MLXIPL: variants seen among roughly 807,000 people sequenced by gnomAD.
The protein encoded by MLXIPL is MLX interacting protein like.
MLXIPL carries 49 observed loss-of-function variants against 81.5 expected under a neutral mutation model. The ratio of observed to expected loss-of-function variants is 0.60; its 90% CI spans 0.48 to 0.76. MLXIPL has a LOEUF of 0.76. MLXIPL is among the 30% of genes least tolerant of loss of function. MLXIPL has a pLI of 0.00. For missense variants in MLXIPL, 1,053 were observed against 1,167.0 expected, an observed-to-expected ratio of 0.90 and a Z score of 1.42; for synonymous variants, 466 against 485.5, an observed-to-expected ratio of 0.96 and a Z score of 0.53.
At chr7:73,601,935 C>A (rs577622074) in intron 7 of MLXIPL, among the ~76,000 whole-genome samples, 1 of 152,212 alleles carries the variant, frequency 6.6e-6, no homozygotes, top group East Asian at 1.9e-4. Flanking sequence ...CAGCCTCTGC[C>A]TACCCTCTGG....
At chr7:73,627,227 G>A (rs1796768392), upstream of MLXIPL, among the ~76,000 whole-genome samples, 1 of 151,072 alleles carries the variant, frequency 6.6e-6, no homozygotes, top group Non-Finnish European at 1.5e-5. Flanking sequence ...CCCTGCTTCA[G>A]AGAGCCATCC....
chr7:73,599,418 G>A, intron 8 of MLXIPL, 108 bp downstream of exon 8: 1 of 1,377,994 alleles, frequency 7.3e-7, no homozygotes. Context: ...CAATCTCCAA[G>A]CAGAAGACTG....
Position 73,595,985 on chromosome 7 carries a change from G to A in MLXIPL, c.2059-16C>T, listed in dbSNP as rs782304984. 2 of 1,611,724 alleles carry A rather than the reference G, an allele frequency of 1.2e-6. No homozygotes were observed. Among genetic ancestry groups the A allele is most frequent in the South Asian group, 1.1e-5 (1 of 90,960 alleles). ...CTTTGCTCACCTGCAGACGCCACCA[G>A]GGGGGCTCAGGCAGGTGCTAGAGGC... On this transcript the variant is annotated splice_polypyrimidine_tract_variant and intron_variant, in intron 13 of 16. Coordinates refer to ENST00000313375, the MANE Select transcript of MLXIPL (RefSeq NM_032951.3).
the MLXIPL span, among the ~76,000 whole-genome samples, chr7:73,641,179 G>A: frequency 6.6e-6 from 1 of 151,994 alleles, no homozygotes; most frequent in East Asian, 1.9e-4. Context: ...CTTAGTCCCA[G>A]CTACCAGGGA....
chr7:73,594,309 A>C lies in MLXIPL; in HGVS notation c.2405T>G (p.Leu802Arg). ...HTLRQTSLAW[L>R]DQYCSLPALR... Reference sequence around the variant, plus strand: ...AGCGGGCAGAGAGCAGTACTGGTCCAGCCAGGCCAGTGAGGTCTGGCGGAG... The same window carrying C: ...AGCGGGCAGAGAGCAGTACTGGTCCCGCCAGGCCAGTGAGGTCTGGCGGAG... The change falls in exon 16 of 17, where the codon CTG becomes CGG. Residue 802 changes from leucine to arginine, a missense_variant. Transcript: ENST00000313375. 1 of 1,612,172 alleles carries C rather than the reference A, an allele frequency of 6.2e-7. No homozygotes were observed. The highest frequency in any genetic ancestry group is 8.5e-7 in the Non-Finnish European group (1 of 1,179,990).
At chr7:73,622,512 T>G (rs1373599216) in intron 1 of MLXIPL, among the ~76,000 whole-genome samples, 3 of 151,796 alleles carry the variant, frequency 2.0e-5, no homozygotes, top group Admixed American at 2.0e-4. Context: ...AAATTTTTTT[T>G]TTTTTGGTAG....
intron 15 of MLXIPL, among the ~76,000 whole-genome samples, chr7:73,594,846 CTT>C (rs33938430): frequency 0.21 from 22,396 of 106,906 alleles, 1,863 homozygotes; most frequent in Middle Eastern, 0.28. Flanking sequence ...TGTGCTCGGA[CTT>C]TTTTTTTTTT....
the MLXIPL span, among the ~76,000 whole-genome samples, chr7:73,640,649 C>A: frequency 1.3e-5 from 2 of 151,552 alleles, no homozygotes; most frequent in African/African-American, 4.8e-5. Context: ...TGGTGGTGCA[C>A]ACCTGTAATC....
rs1796582956 is a variant in MLXIPL at position 73,624,323 on chromosome 7, G to T, written c.170C>A (p.Pro57Gln). The change falls in exon 1 of 17, where the codon CCG becomes CAG. Residue 57 changes from proline (P) to glutamine (Q), a missense_variant. By Grantham distance (76) the Pro-to-Gln change is moderately conservative. Around this residue, in one of 3 missense-constraint regions of MLXIPL, gnomAD observed 226 missense variants for 216.2 expected, o/e 1.05. Transcript: ENST00000313375. ...IHSGHFMVSS[P>Q]HSDSLPRRRD... ...CCGCCGGGGCAGCGAGTCGCTGTGC[G>T]GCGACGACACCATGAAGTGACCGCT... 1 of 1,588,108 alleles carries T rather than the reference G, an allele frequency of 6.3e-7. No homozygotes were observed. Among genetic ancestry groups the T allele is most frequent in the South Asian group, 1.1e-5 (1 of 87,824 alleles).
chr7:73,605,630 C>T (rs564455131), intron 7 of MLXIPL, 58 bp downstream of exon 7: 436 of 1,549,838 alleles, frequency 2.8e-4, no homozygotes, highest in Non-Finnish European at 3.3e-4. Context: ...ATGGGCTCAT[C>T]GGCCTTCCTC....
At chr7:73,620,702 A>T (rs1290906632) in intron 1 of MLXIPL, among the ~76,000 whole-genome samples, 1 of 151,598 alleles carries the variant, frequency 6.6e-6, no homozygotes, top group Non-Finnish European at 1.5e-5. Flanking sequence ...AGATTGCGCC[A>T]CTGCACTCCA....
chr7:73,606,090 G>C lies in MLXIPL; in HGVS notation c.640C>G (p.Pro214Ala), dbSNP rs1795257629. 4 of 1,582,578 alleles carry C rather than the reference G, an allele frequency of 2.5e-6. No individual in the cohort carries two copies. The highest frequency in any genetic ancestry group is 3.4e-6 in the Non-Finnish European group (4 of 1,164,580). Residue 214 changes from proline to alanine, a missense_variant, in exon 6 of 17, where the codon CCG becomes GCG. Around this residue, in one of 3 missense-constraint regions of MLXIPL, gnomAD observed 823 missense variants for 933.0 expected, o/e 0.88. Transcript: ENST00000313375. ...PKQAEGRWPP[P>A]EQWCKQLFSS... ...AAGAGCTGTTTGCACCATTGCTCCG[G>C]CGGCGGCCACCTGCCTTCCGCCTAG...
chr7:73,636,049 C>A, the MLXIPL span, among the ~76,000 whole-genome samples: 1 of 152,144 alleles, frequency 6.6e-6, no homozygotes, highest in Non-Finnish European at 1.5e-5. Context: ...TAAGGGCGGC[C>A]GGACTTGCAG....
At chr7:73,605,825 C>A (rs1461998354) in intron 6 of MLXIPL, 57 bp from the exon 7 acceptor site, 48 of 1,588,986 alleles carry the variant, frequency 3.0e-5, no homozygotes, top group African/African-American at 4.0e-5. Flanking sequence ...AGGGTCCCCA[C>A]CCCCATCCCC....
chr7:73,624,070 C>CGG, intron 1 of MLXIPL, 130 bp downstream of exon 1: 6 of 1,284,354 alleles, frequency 4.7e-6, no homozygotes, highest in Non-Finnish European at 6.2e-6. Context: ...AGGGCGTGAT[C>CGG]GGAGCCTCCG....
chr7:73,632,583 G>A, the MLXIPL span, among the ~76,000 whole-genome samples: 20 of 152,008 alleles, frequency 1.3e-4, no homozygotes, highest in African/African-American at 4.6e-4. Flanking sequence ...GCCCAGCCCT[G>A]TTCCCCTCCT....
intron 4 of MLXIPL, 78 bp from the exon 5 acceptor site, chr7:73,607,096 C>A (rs1554598406): frequency 5.2e-6 from 8 of 1,547,330 alleles, no homozygotes; most frequent in African/African-American, 2.7e-5. Context: ...CTCCTCTACT[C>A]ACAAGCGATG....
chr7:73,645,676 C>T, the MLXIPL span, among the ~76,000 whole-genome samples: 75,527 of 152,004 alleles, frequency 0.5, 19,417 homozygotes, highest in South Asian at 0.73. Flanking sequence ...ACAGTCCAGG[C>T]GAGCCCATTT....
chr7:73,621,594 C>G (rs1443154828), intron 1 of MLXIPL, among the ~76,000 whole-genome samples: 1 of 151,974 alleles, frequency 6.6e-6, no homozygotes, highest in Non-Finnish European at 1.5e-5. Flanking sequence ...AACACTGTCC[C>G]AGTTCAAGCC....
Sources: allele counts gnomAD v4.1 joint callset (sites outside exome capture counted in the v4.1 genomes callset), GRCh38; gene constraint gnomAD v4.1.1; regional missense constraint gnomAD v4.1.1; transcripts MANE v1.5; gene names NCBI Gene and HGNC (gene_info 2026-07-23, HGNC 2026-07-21).